NLRP14: variants seen among roughly 807,000 people sequenced by gnomAD.
The protein encoded by NLRP14 is NLR family pyrin domain containing 14.
NLRP14 carries 105 observed loss-of-function variants against 94.7 expected under a neutral mutation model. The observed-to-expected ratio is 1.11, with a 90% confidence interval of 0.95 to 1.30. The LOEUF (loss-of-function observed/expected upper bound fraction) is 1.30. Among genes scored for constraint, NLRP14 ranks in the 50% most tolerant of loss-of-function variants. The pLI, the probability that NLRP14 is intolerant of heterozygous loss-of-function variation, is 0.00. For missense variants in NLRP14, 1,362 were observed against 1,254.1 expected (o/e 1.09, Z -1.30); for synonymous variants, 508 against 459.9 (o/e 1.10, Z -1.34).
intron 5 of NLRP14, among the ~76,000 whole-genome samples, chr11:7,048,962 A>G (rs1344592632): frequency 6.9e-6 from 1 of 145,016 alleles, no homozygotes; most frequent in African/African-American, 2.6e-5. Flanking sequence ...AGTGCTATAA[A>G]TGGGTAAAGG....
the NLRP14 span, among the ~76,000 whole-genome samples, chr11:7,078,457 AAAAAAC>A: frequency 6.8e-6 from 1 of 147,588 alleles, no homozygotes; most frequent in African/African-American, 2.5e-5. Flanking sequence ...AAAAAAAAAA[AAAAAAC>A]AAAAAAATTG....
At chr11:7,059,634 G>T (rs1025863816) in intron 8 of NLRP14, among the ~76,000 whole-genome samples, 1 of 151,946 alleles carries the variant, frequency 6.6e-6, no homozygotes, top group Non-Finnish European at 1.5e-5. Context: ...CTACAACAGA[G>T]TACTATGTAT....
In NLRP14 at chr11:7,043,557, T is replaced by G. The variant is rs773688310; in HGVS notation, c.1531T>G (p.Leu511Val). 6.2e-7 allele frequency: 1 copy of G among 1,614,224 alleles called. No homozygotes were observed. The highest frequency in any genetic ancestry group is 8.5e-7 in the Non-Finnish European group (1 of 1,180,036). ...CCCTTCCTGCCAGCCTTTTGAAGAT[T>G]TGAAGTCATTACTTCAAAGCACAAG... ...GNPSCQPFEDLKSLLQSTSYK... is the reference protein window; with the variant it reads ...GNPSCQPFEDVKSLLQSTSYK... Residue 511 changes from leucine (L) to valine (V), a missense_variant, in exon 4 of 12, where the codon TTG (leucine) becomes GTG (valine). Coordinates refer to ENST00000299481, the MANE Select transcript of NLRP14 (RefSeq NM_176822.4).
chr11:7,078,682 G>T, the NLRP14 span, among the ~76,000 whole-genome samples: 2 of 151,896 alleles, frequency 1.3e-5, no homozygotes, highest in Non-Finnish European at 2.9e-5. Flanking sequence ...CAGCTACTTG[G>T]GAGGCTGAAG....
At chr11:7,077,115 G>A in the NLRP14 span, among the ~76,000 whole-genome samples, 9 of 152,308 alleles carry the variant, frequency 5.9e-5, no homozygotes, top group African/African-American at 2.2e-4. Context: ...CCACGTTTCT[G>A]GTTGTCTTTT....
chr11:7,090,491 G>A, the NLRP14 span: 2 of 742,390 alleles, frequency 2.7e-6, no homozygotes, highest in Admixed American at 2.7e-5. Context: ...TTTAGTTTTG[G>A]AATTGTTAAC....
At position 7,043,953 on chromosome 11, in the gene NLRP14, A is replaced by T. The variant is rs571160657; in HGVS notation, c.1927A>T (p.Ile643Leu). 9.3e-6 allele frequency: 15 copies of T among 1,614,072 alleles called. No individual in the cohort carries two copies. The highest frequency in any genetic ancestry group is 1.7e-5 in the Admixed American group (1 of 60,012). The change falls in exon 4 of 12, where the codon ATA (isoleucine) becomes TTA (leucine). Residue 643 changes from isoleucine (I) to leucine (L), a missense_variant. Coordinates refer to ENST00000299481, the MANE Select transcript of NLRP14 (RefSeq NM_176822.4). ...TGTAACTGTGGTATTTGAGAAGAAG[A>T]TATTAAAAACAAGCCTCCCAACTAA... ...LSVTVVFEKK[I>L]LKTSLPTNTW...
chr11:7,078,715 G>A, the NLRP14 span, among the ~76,000 whole-genome samples: 1 of 151,958 alleles, frequency 6.6e-6, no homozygotes. Flanking sequence ...TTGAACCCGG[G>A]AGGCAGAGGC....
In NLRP14 at chr11:7,071,290, T is replaced by C. The variant is rs775795223; in HGVS notation, c.3264T>C (p.Ser1088=). Residue 1088 remains serine (S), a synonymous_variant, in exon 12 of 12, where the codon TCT becomes TCC. Coordinates refer to ENST00000299481, the MANE Select transcript of NLRP14 (RefSeq NM_176822.4). Reference sequence around the variant, plus strand: ...ACTATCATAATGAAGAAGATGTGTCTTGGTGGTGGTGTTTCTGATTTGAAG... The same window carrying C: ...ACTATCATAATGAAGAAGATGTGTCCTGGTGGTGGTGTTTCTGATTTGAAG... ...DCNYHNEEDV[S]WWWCF The C allele has an allele frequency of 6.2e-7, 1 of 1,613,310 alleles. No homozygotes were observed. The highest frequency in any genetic ancestry group is 8.5e-7 in the Non-Finnish European group (1 of 1,179,480).
chr11:7,049,867 T>C, intron 6 of NLRP14, 29 bp downstream of exon 6: 1 of 1,597,850 alleles, frequency 6.3e-7, no homozygotes, highest in Non-Finnish European at 8.6e-7. Context: ...TGTCTTGTTT[T>C]GTTTTTATAA....
rs754892956 is a variant in NLRP14, at chr11:7,062,339, G to A, written c.2811G>A (p.Met937Ile). The change falls in exon 10 of 12, where the codon ATG becomes ATA. Residue 937 changes from methionine to isoleucine, a missense_variant. By Grantham distance (10) the Met-to-Ile change is conservative (BLOSUM62 1). Coordinates refer to ENST00000299481, the MANE Select transcript of NLRP14 (RefSeq NM_176822.4). ...CCTATTGTAATTCTTACAGATTGAT[G>A]GGCTGTGTTCTCACTAATGCATGTT... ...PSCNLQDLEL[M>I]GCVLTNACCL... 1.9e-6 allele frequency: 3 copies of A among 1,611,844 alleles called. No individual in the cohort carries two copies. The highest frequency in any genetic ancestry group is 4.5e-5 in the East Asian group (2 of 44,856).
At chr11:7,066,561 T>C (rs1421439586) in intron 10 of NLRP14, among the ~76,000 whole-genome samples, 1 of 152,256 alleles carries the variant, frequency 6.6e-6, no homozygotes, top group African/African-American at 2.4e-5. Context: ...GGGTTGTTTT[T>C]TTCTTGTCAA....
At chr11:7,053,479 A>G (rs1328543169) in intron 6 of NLRP14, among the ~76,000 whole-genome samples, 1 of 149,104 alleles carries the variant, frequency 6.7e-6, no homozygotes, top group Non-Finnish European at 1.5e-5. Context: ...TTATATATAT[A>G]TATATACTTT....
At chr11:7,060,470 T>A (rs1424371186) in intron 9 of NLRP14, among the ~76,000 whole-genome samples, 4 of 151,820 alleles carry the variant, frequency 2.6e-5, no homozygotes, top group Non-Finnish European at 5.9e-5. Context: ...GAAGGAGATT[T>A]TTACAGTATC....
Position 7,043,581 on chromosome 11 carries a change from A to G in NLRP14, c.1555A>G (p.Ser519Gly). 6.2e-7 allele frequency: 1 copy of G among 1,614,222 alleles called. No homozygotes were observed. The highest frequency in any genetic ancestry group is 1.3e-5 in the African/African-American group (1 of 75,068). ...EDLKSLLQST[S>G]YKDPHLTQMK... The stretch of plus-strand genomic sequence containing the variant: ...TTTGAAGTCATTACTTCAAAGCACA[A>G]GTTATAAAGACCCCCATTTGACACA... The change falls in exon 4 of 12, where the codon AGT becomes GGT. Residue 519 changes from serine to glycine, a missense_variant. By Grantham distance (56) the Ser-to-Gly change is moderately conservative (BLOSUM62 0). Coordinates refer to ENST00000299481, the MANE Select transcript of NLRP14 (RefSeq NM_176822.4).
intron 10 of NLRP14, among the ~76,000 whole-genome samples, chr11:7,064,660 A>C (rs1852678154): frequency 6.6e-6 from 1 of 152,276 alleles, no homozygotes; most frequent in East Asian, 1.9e-4. Context: ...AGAGAAAAGC[A>C]TCTTTACAAT....
Position 7,042,465 on chromosome 11 carries a change from C to A in NLRP14, c.439C>A (p.Pro147Thr), listed in dbSNP as rs1852269645. The A allele has an allele frequency of 6.2e-7, 1 of 1,613,678 alleles. No homozygotes were observed. Among genetic ancestry groups the A allele is most frequent in the Non-Finnish European group, 8.5e-7 (1 of 1,179,690 alleles). ...TWDKKSLAGK[P>T]EDFHHGIAEK... Reference sequence around the variant, plus strand: ...GGACAAGAAGTCTTTGGCTGGAAAGCCTGAAGATTTCCATCATGGAATTGC... The same window carrying A: ...GGACAAGAAGTCTTTGGCTGGAAAGACTGAAGATTTCCATCATGGAATTGC... The change falls in exon 4 of 12, where the codon CCT becomes ACT. Residue 147 changes from proline (P) to threonine (T), a missense_variant. By Grantham distance (38) the Pro-to-Thr change is conservative (BLOSUM62 -1). Coordinates refer to ENST00000299481, the MANE Select transcript of NLRP14 (RefSeq NM_176822.4).
chr11:7,042,481 A>T lies in NLRP14; in HGVS notation c.455A>T (p.His152Leu). ...SLAGKPEDFH[H>L]GIAEKDRKLL... ...GCTGGAAAGCCTGAAGATTTCCATCATGGAATTGCAGAGAAAGATAGAAAA... is the reference window on the plus strand; with the variant it reads ...GCTGGAAAGCCTGAAGATTTCCATCTTGGAATTGCAGAGAAAGATAGAAAA... Residue 152 changes from histidine to leucine, a missense_variant, in exon 4 of 12, where the codon CAT (histidine) becomes CTT (leucine). Transcript: ENST00000299481. 6.2e-7 allele frequency: 1 copy of T among 1,614,040 alleles called. No individual in the cohort carries two copies. The highest frequency in any genetic ancestry group is 8.5e-7 in the Non-Finnish European group (1 of 1,179,834).
chr11:7,082,132 T>G, the NLRP14 span, among the ~76,000 whole-genome samples: 1 of 152,188 alleles, frequency 6.6e-6, no homozygotes, highest in East Asian at 1.9e-4. Flanking sequence ...AATATATATA[T>G]TTTTGTTACA....
Sources: allele counts gnomAD v4.1 joint callset (sites outside exome capture counted in the v4.1 genomes callset), GRCh38; gene constraint gnomAD v4.1.1; transcripts MANE v1.5; gene names NCBI Gene and HGNC (gene_info 2026-07-23, HGNC 2026-07-21).